The following SGCZ variants were observed in gnomAD, a reference collection of about 807,000 sequenced individuals.
SGCZ encodes sarcoglycan zeta, also known as zeta-sarcoglycan.
Under a neutral mutation model 41.3 loss-of-function variants are expected in SGCZ, and 40 were observed. The observed-to-expected ratio is 0.97, with a 90% CI of 0.75 to 1.26. The LOEUF is 1.26. Ranked by LOEUF, SGCZ falls within the 50% of genes most tolerant of loss-of-function variation. The pLI, the probability that SGCZ is intolerant of heterozygous loss-of-function variation, is 0.00. For missense variants in SGCZ, 552 were observed against 369.8 expected, an observed-to-expected ratio of 1.49 and a Z score of -4.04; for synonymous variants, 206 against 137.5, an observed-to-expected ratio of 1.50 and a Z score of -3.49.
intron 1 of SGCZ, among the ~76,000 whole-genome samples, chr8:14,575,993 G>C (rs1804699929): frequency 6.7e-6 from 1 of 149,772 alleles, no homozygotes. Context: ...GACATTCATA[G>C]ATCACAAAAT....
rs375735241 is a variant in SGCZ at position 14,665,265 on chromosome 8, T to C, written c.40-110339A>G. ...CCTATGAGTGAGAAAATGTGGTGTATGGTTTTTTGTCCTTGTGATAGTTTG... is the reference window on the plus strand; with the variant it reads ...CCTATGAGTGAGAAAATGTGGTGTACGGTTTTTTGTCCTTGTGATAGTTTG... On this transcript the variant is annotated intron_variant, in intron 1 of 7. Coordinates refer to ENST00000382080, the MANE Select transcript of SGCZ (RefSeq NM_139167.4). Among the ~76,000 whole-genome samples, 43 of 152,194 alleles carry C rather than the reference T, an allele frequency of 2.8e-4. 1 individual carries two copies. The East Asian group carries it at 6.6e-3, about 23-fold the overall frequency.
intron 1 of SGCZ, among the ~76,000 whole-genome samples, chr8:15,022,855 C>T (rs1017474089): frequency 5.3e-5 from 8 of 152,216 alleles, no homozygotes; most frequent in African/African-American, 1.9e-4. Flanking sequence ...CTATTTTCTA[C>T]ATTTCATAGA....
chr8:14,673,950 G>A (rs890531538), intron 1 of SGCZ, among the ~76,000 whole-genome samples: 3 of 152,040 alleles, frequency 2.0e-5, no homozygotes, highest in Admixed American at 2.0e-4. Flanking sequence ...AACAAGAAAG[G>A]TAATTGGCAG....
At chr8:14,596,138 G>A (rs767213655) in intron 1 of SGCZ, among the ~76,000 whole-genome samples, 1 of 152,206 alleles carries the variant, frequency 6.6e-6, no homozygotes, top group Non-Finnish European at 1.5e-5. Flanking sequence ...AATGATGAGT[G>A]AGAATATACT....
chr8:14,420,030 G>A (rs965509287), intron 2 of SGCZ, among the ~76,000 whole-genome samples: 2 of 152,100 alleles, frequency 1.3e-5, no homozygotes, highest in African/African-American at 2.4e-5. Context: ...TTCTGTTAAC[G>A]ATCCTTTCCA....
chr8:14,959,181 T>C (rs1371229657), intron 1 of SGCZ, among the ~76,000 whole-genome samples: 1 of 152,164 alleles, frequency 6.6e-6, no homozygotes, highest in Admixed American at 6.5e-5. Flanking sequence ...TTCAGAGGTC[T>C]GACAGATATC....
At chr8:15,172,334 G>A (rs1219985286) in intron 1 of SGCZ, among the ~76,000 whole-genome samples, 4 of 150,572 alleles carry the variant, frequency 2.7e-5, no homozygotes, top group Admixed American at 6.6e-5. Flanking sequence ...GCTAATTTTT[G>A]TATTTTTAGT....
chr8:14,783,389 G>A (rs2130441703), intron 1 of SGCZ, among the ~76,000 whole-genome samples: 1 of 150,660 alleles, frequency 6.6e-6, no homozygotes, highest in Non-Finnish European at 1.5e-5. Flanking sequence ...AGCTGAGATA[G>A]CACCACTGCA....
chr8:14,167,713 A>T (rs2116991890), intron 4 of SGCZ, among the ~76,000 whole-genome samples: 1 of 152,326 alleles, frequency 6.6e-6, no homozygotes, highest in East Asian at 1.9e-4. Context: ...TAAAAGAACA[A>T]ACCACCACCA....
intron 1 of SGCZ, among the ~76,000 whole-genome samples, chr8:14,887,856 C>T (rs945353883): frequency 6.6e-6 from 1 of 152,070 alleles, no homozygotes; most frequent in African/African-American, 2.4e-5. Flanking sequence ...CATATAGTTG[C>T]AAAAGACAGA....
intron 2 of SGCZ, among the ~76,000 whole-genome samples, chr8:14,498,941 C>T (rs184834308): frequency 2.6e-5 from 4 of 151,580 alleles, no homozygotes; most frequent in Admixed American, 2.0e-4. Flanking sequence ...TTAGTCTTGC[C>T]TATGACACCA....
At chr8:15,061,893 C>A (rs1223199433) in intron 1 of SGCZ, among the ~76,000 whole-genome samples, 4 of 152,176 alleles carry the variant, frequency 2.6e-5, no homozygotes, top group African/African-American at 7.2e-5. Flanking sequence ...GGAAATTTCA[C>A]ACAAAGCTAT....
At chr8:15,161,776 T>G (rs559999680) in intron 1 of SGCZ, among the ~76,000 whole-genome samples, 1 of 152,346 alleles carries the variant, frequency 6.6e-6, no homozygotes, top group East Asian at 1.9e-4. Flanking sequence ...GGCTCACATC[T>G]ATAATCCTAG....
At chr8:14,349,222 G>A (rs1203911537) in intron 2 of SGCZ, among the ~76,000 whole-genome samples, 1 of 152,066 alleles carries the variant, frequency 6.6e-6, no homozygotes, top group Non-Finnish European at 1.5e-5. Context: ...ACCAAAATCG[G>A]TTGCCTGGAA....
intron 1 of SGCZ, among the ~76,000 whole-genome samples, chr8:15,051,313 C>T (rs946571705): frequency 5.3e-5 from 8 of 152,198 alleles, no homozygotes; most frequent in African/African-American, 1.9e-4. Context: ...TTTCACTCCA[C>T]ATAAGGTCTT....
At chr8:14,825,225 T>C (rs1467141482) in intron 1 of SGCZ, among the ~76,000 whole-genome samples, 1 of 152,210 alleles carries the variant, frequency 6.6e-6, no homozygotes, top group East Asian at 1.9e-4. Flanking sequence ...GAAAACCTTT[T>C]ATAGCTTCCC....
intron 1 of SGCZ, among the ~76,000 whole-genome samples, chr8:14,581,425 T>G (rs1804884537): frequency 6.6e-6 from 1 of 152,036 alleles, no homozygotes; most frequent in African/African-American, 2.4e-5. Flanking sequence ...TTGCTTACTA[T>G]GTTTTTTGTT....
At chr8:15,193,063 A>C (rs556507287) in intron 1 of SGCZ, among the ~76,000 whole-genome samples, 1 of 152,174 alleles carries the variant, frequency 6.6e-6, no homozygotes, top group South Asian at 2.1e-4. Flanking sequence ...GTGGAGGTGG[A>C]AATGAGGGTA....
At chr8:14,604,456 T>G (rs918429625) in intron 1 of SGCZ, among the ~76,000 whole-genome samples, 1 of 152,238 alleles carries the variant, frequency 6.6e-6, no homozygotes, top group African/African-American at 2.4e-5. Flanking sequence ...GCTTGAAATA[T>G]GTATTCATTT....
Sources: allele counts gnomAD v4.1 joint callset (sites outside exome capture counted in the v4.1 genomes callset), GRCh38; gene constraint gnomAD v4.1.1; transcripts MANE v1.5; gene names NCBI Gene and HGNC (gene_info 2026-07-23, HGNC 2026-07-21).